The following PTPN22 variants were observed in gnomAD, a reference collection of about 807,000 sequenced individuals.
PTPN22 encodes tyrosine-protein phosphatase non-receptor type 22.
In PTPN22, 85 loss-of-function variants were observed where a neutral mutation model predicts 103.3. The observed-to-expected ratio is 0.82, with a 90% CI of 0.69 to 0.99. The LOEUF (loss-of-function observed/expected upper bound fraction) is 0.99. Ranked by LOEUF, PTPN22 falls within the 50% of genes least tolerant of loss-of-function variation. The pLI is 0.00. For missense variants in PTPN22, 865 were observed against 936.9 expected, an observed-to-expected ratio of 0.92 and a Z score of 1.00; for synonymous variants, 323 against 310.2, an observed-to-expected ratio of 1.04 and a Z score of -0.43.
At chr1:113,862,343 C>T (rs751113537) in intron 1 of PTPN22, among the ~76,000 whole-genome samples, 2 of 151,978 alleles carry the variant, frequency 1.3e-5, no homozygotes, top group Non-Finnish European at 2.9e-5. Context: ...CAACATCCCT[C>T]GTGGGCCCTG....
chr1:113,834,363 A>T lies in PTPN22; in HGVS notation c.1971T>A (p.Gly657=), dbSNP rs149915690. ...CAAATTTCTTTGGTTCAGATGTTCC[A>T]CCCCATTCCAGTGATGTTCCAATTT... The change falls in exon 15 of 21, where the codon GGT becomes GGA. Residue 657 remains glycine, a synonymous_variant. Coordinates refer to ENST00000359785, the Ensembl canonical transcript of PTPN22. The T allele has an allele frequency of 5.6e-4, 903 of 1,613,946 alleles. 10 individuals are homozygous for T. In the African/African-American group the frequency reaches 0.011, roughly 19 times the overall value.
chr1:113,859,169 T>C (rs2102131543), intron 2 of PTPN22, 91 bp from the exon 3 acceptor site: 2 of 1,572,296 alleles, frequency 1.3e-6, no homozygotes, highest in South Asian at 2.3e-5. Flanking sequence ...TGTATGCTCA[T>C]GAGTGAACAA....
At chr1:113,858,961 T>C in intron 3 of PTPN22, 41 bp downstream of exon 3, 1 of 1,596,286 alleles carries the variant, frequency 6.3e-7, no homozygotes, top group Non-Finnish European at 8.6e-7. Context: ...TTTTTGGGTA[T>C]CTAGAGAAAT....
intron 9 of PTPN22, among the ~76,000 whole-genome samples, chr1:113,854,179 A>G (rs1664852140): frequency 6.6e-6 from 1 of 152,144 alleles, no homozygotes; most frequent in Non-Finnish European, 1.5e-5. Flanking sequence ...ATTTTCAAAT[A>G]GACACATTCA....
intron 20 of PTPN22, among the ~76,000 whole-genome samples, chr1:113,818,066 A>G (rs956810046): frequency 6.6e-6 from 1 of 151,878 alleles, no homozygotes; most frequent in Non-Finnish European, 1.5e-5. Flanking sequence ...CTGGGATTAT[A>G]GGCATGAACC....
At chr1:113,863,098 T>C (rs1665762593) in intron 1 of PTPN22, among the ~76,000 whole-genome samples, 2 of 151,932 alleles carry the variant, frequency 1.3e-5, no homozygotes, top group Admixed American at 1.3e-4. Flanking sequence ...TGTTGGTTGG[T>C]TGGTTGGTTT....
chr1:113,859,701 T>C (rs1258121355), intron 1 of PTPN22, among the ~76,000 whole-genome samples: 1 of 152,186 alleles, frequency 6.6e-6, no homozygotes, highest in Non-Finnish European at 1.5e-5. Context: ...AACTTAAAAG[T>C]GAAACTTGTG....
chr1:113,865,172 T>G (rs573846823), intron 1 of PTPN22, among the ~76,000 whole-genome samples: 6 of 152,366 alleles, frequency 3.9e-5, no homozygotes, highest in Admixed American at 2.6e-4. Flanking sequence ...TTCTATGGAT[T>G]AGCTGTTGTT....
exon 17 of PTPN22, chr1:113,830,003 G>T: frequency 6.2e-7 from 1 of 1,606,822 alleles, no homozygotes; most frequent in African/African-American, 1.3e-5. Context: ...AGAGGAGGTG[G>T]GGGAGAAGAA....
chr1:113,840,586 C>T (rs1474373470), intron 11 of PTPN22, among the ~76,000 whole-genome samples: 1 of 152,120 alleles, frequency 6.6e-6, no homozygotes, highest in Non-Finnish European at 1.5e-5. Flanking sequence ...CAATGCAATT[C>T]TTATCAAAAA....
intron 15 of PTPN22, among the ~76,000 whole-genome samples, 188 bp downstream of exon 15, chr1:113,834,121 C>G (rs903671565): frequency 2.0e-5 from 3 of 152,200 alleles, no homozygotes; most frequent in Non-Finnish European, 2.9e-5. Context: ...ATCTCTACTA[C>G]TAGACAAGAA....
exon 8 of PTPN22, chr1:113,855,008 T>C (rs1270365089): frequency 1.9e-6 from 3 of 1,609,374 alleles, no homozygotes; most frequent in Non-Finnish European, 1.7e-6. Flanking sequence ...CATCATGGTC[T>C]GGCCAATTCT....
intron 20 of PTPN22, chr1:113,819,233 T>C (rs1661395004): frequency 6.4e-6 from 1 of 156,688 alleles, no homozygotes; most frequent in South Asian, 2.0e-4. Flanking sequence ...ACTGCTGTTC[T>C]TTTTATCATA....
At chr1:113,856,849 C>T (rs564948822) in intron 5 of PTPN22, 235 of 519,902 alleles carry the variant, frequency 4.5e-4, no homozygotes, top group Admixed American at 6.0e-4. Context: ...AAATAGAAAT[C>T]TTTGACCTAT....
Position 113,857,655 on chromosome 1 carries a change from C to A in PTPN22, c.408+83G>T, listed in dbSNP as rs1452939360. 2.4e-6 allele frequency: 3 copies of A among 1,271,058 alleles called. No homozygotes were observed. In the Admixed American group the frequency reaches 5.5e-5, roughly 23 times the overall value. The allele number at this position is 1,271,058 out of a possible 1,614,324, so 78.7% of individuals were successfully genotyped here. A position where few individuals can be genotyped will look rare whatever the true frequency, so the allele number is the denominator to read the frequency against. On this transcript the variant is annotated intron_variant, in intron 5 of 20. Transcript: ENST00000359785. ...GACATAAGTTTTATCTAGGTACACTCAGGTAAGTTCTGCTGCCAATTTCCC... is the reference window on the plus strand; with the variant it reads ...GACATAAGTTTTATCTAGGTACACTAAGGTAAGTTCTGCTGCCAATTTCCC...
At chr1:113,845,483 G>A (rs1408408617) in intron 11 of PTPN22, among the ~76,000 whole-genome samples, 1 of 152,074 alleles carries the variant, frequency 6.6e-6, no homozygotes, top group Non-Finnish European at 1.5e-5. Flanking sequence ...GATTACAGGT[G>A]TGAGCCACTG....
At chr1:113,854,472 C>T in exon 9 of PTPN22, 3 of 1,612,530 alleles carry the variant, frequency 1.9e-6, no homozygotes, top group South Asian at 1.1e-5. Flanking sequence ...GAAACTCACC[C>T]CATCTTTTAG....
At chr1:113,838,190 T>C (rs759029790) in exon 13 of PTPN22, 9 of 1,614,114 alleles carry the variant, frequency 5.6e-6, no homozygotes, top group Non-Finnish European at 6.8e-6. Flanking sequence ...TCCCCAACTA[T>C]TGGAAATGCC....
chr1:113,870,173 T>C (rs948469761), intron 1 of PTPN22, among the ~76,000 whole-genome samples: 1 of 152,220 alleles, frequency 6.6e-6, no homozygotes, highest in Non-Finnish European at 1.5e-5. Flanking sequence ...CATTTAATGA[T>C]TGTTATTGAT....
Sources: gnomAD v4.1 joint callset for allele counts (sites outside exome capture counted in the v4.1 genomes callset) on GRCh38, gnomAD v4.1.1 for gene constraint, MANE v1.5 for transcripts, NCBI Gene and HGNC (gene_info 2026-07-23, HGNC 2026-07-21) for gene names.